The following SEMA3C variants were observed in gnomAD, a reference collection of about 807,000 sequenced individuals.
SEMA3C encodes the protein semaphorin-3C.
SEMA3C carries 47 observed loss-of-function variants against 89.4 expected under a neutral mutation model. The ratio of observed to expected loss-of-function variants is 0.53; its 90% CI spans 0.42 to 0.67. The LOEUF (loss-of-function observed/expected upper bound fraction) is 0.67, where lower values mean the gene tolerates loss of function less well. Among genes scored for constraint, SEMA3C ranks in the 30% least tolerant of loss-of-function variants. SEMA3C has a pLI of 0.00. For missense variants in SEMA3C, 839 were observed against 929.1 expected, an observed-to-expected ratio of 0.90 and a Z score of 1.26; for synonymous variants, 310 against 320.2, an observed-to-expected ratio of 0.97 and a Z score of 0.34.
chr7:80,886,335 T>G, intron 2 of SEMA3C, among the ~76,000 whole-genome samples: 1 of 151,956 alleles, frequency 6.6e-6, no homozygotes, highest in African/African-American at 2.4e-5. Context: ...CAGCTGGATG[T>G]TGTACAACTG....
chr7:80,901,266 T>C (rs1791873440), intron 2 of SEMA3C, among the ~76,000 whole-genome samples: 1 of 152,224 alleles, frequency 6.6e-6, no homozygotes. Flanking sequence ...AAATAAAAAC[T>C]ATCCTTGACT....
chr7:80,866,131 T>C (rs1448491824), intron 2 of SEMA3C, among the ~76,000 whole-genome samples: 2 of 152,188 alleles, frequency 1.3e-5, no homozygotes, highest in African/African-American at 2.4e-5. Flanking sequence ...TTTTCAGATA[T>C]GTGTTTTCAA....
chr7:80,908,842 T>C lies in SEMA3C; in HGVS notation c.103+7837A>G, dbSNP rs1225127618. Among the ~76,000 whole-genome samples the C allele has an allele frequency of 4.6e-5, 7 of 152,302 alleles. No individual in the cohort carries two copies. In the South Asian group the frequency reaches 1.5e-3, roughly 32 times the overall value. ...CTATATAAGTGTTACAATAATGTTTTAAGTAATAAAGTGTTCACCAAACTA... is the reference window on the plus strand; with the variant it reads ...CTATATAAGTGTTACAATAATGTTTCAAGTAATAAAGTGTTCACCAAACTA... On this transcript the variant is annotated intron_variant, in intron 2 of 17. Coordinates refer to ENST00000265361, the MANE Select transcript of SEMA3C (RefSeq NM_006379.5).
Position 80,751,255 on chromosome 7 carries a change from C to T in SEMA3C, c.1711+14G>A, listed in dbSNP as rs1482926963. On this transcript the variant is annotated intron_variant, in intron 16 of 17. Transcript: ENST00000265361. ...TACTGTTCACTGAGATTGGCCATTGCTCACTTTTAATACCTTTTAGATTAA... is the reference window on the plus strand; with the variant it reads ...TACTGTTCACTGAGATTGGCCATTGTTCACTTTTAATACCTTTTAGATTAA... 1.2e-6 allele frequency: 2 copies of T among 1,610,114 alleles called. No homozygotes were observed. Among genetic ancestry groups the T allele is most frequent in the East Asian group, 2.2e-5 (1 of 44,822 alleles).
chr7:80,825,245 T>C (rs1395171123), intron 4 of SEMA3C, among the ~76,000 whole-genome samples: 1 of 152,158 alleles, frequency 6.6e-6, no homozygotes, highest in Admixed American at 6.5e-5. Context: ...TGAAATGGGA[T>C]GGATTTGTCA....
At chr7:80,818,525 A>G in intron 4 of SEMA3C, 107 bp from the exon 5 acceptor site, 1 of 1,316,542 alleles carries the variant, frequency 7.6e-7, no homozygotes, top group East Asian at 2.5e-5. Context: ...ATGAGGTGAC[A>G]TAAACTTTTG....
rs950346257 is a variant in SEMA3C at position 80,767,194 on chromosome 7, C to G, written c.1355-1951G>C. 1.2e-4 allele frequency among the ~76,000 whole-genome samples: 18 copies of G among 152,158 alleles called. 1 individual carries two copies. The highest frequency in any genetic ancestry group is 7.9e-4 in the Admixed American group (12 of 15,280). On this transcript the variant is annotated intron_variant, in intron 12 of 17. Transcript: ENST00000265361. Reference sequence around the variant, plus strand: ...AGGCCCCTTGGTCAAGTTCCTTATTCTGAGGAGGCAGGAACTTAGGTTGCT... The same window carrying G: ...AGGCCCCTTGGTCAAGTTCCTTATTGTGAGGAGGCAGGAACTTAGGTTGCT...
At chr7:80,817,764 T>C (rs1272444716) in intron 5 of SEMA3C, among the ~76,000 whole-genome samples, 1 of 152,178 alleles carries the variant, frequency 6.6e-6, no homozygotes, top group East Asian at 1.9e-4. Context: ...GTTAATTACA[T>C]CAAGTTCTTT....
intron 6 of SEMA3C, among the ~76,000 whole-genome samples, chr7:80,806,770 G>A (rs936515390): frequency 3.3e-5 from 5 of 152,090 alleles, no homozygotes; most frequent in African/African-American, 9.7e-5. Flanking sequence ...ATGCAGCTGC[G>A]TTCCTTGACT....
rs1043487418 is a variant in SEMA3C, at chr7:80,778,080, T to C, written c.1354+11226A>G. Among the ~76,000 whole-genome samples the C allele has an allele frequency of 2.0e-5, 3 of 152,184 alleles. No homozygotes were observed. In the East Asian group the frequency reaches 5.8e-4, roughly 29 times the overall value. On this transcript the variant is annotated intron_variant, in intron 12 of 17. Transcript: ENST00000265361. Reference sequence around the variant, plus strand: ...TCTGTGAGGGTTAAAAAAACCCCCATAATATGGTATTGGCTCAAGTGATAA... The same window carrying C: ...TCTGTGAGGGTTAAAAAAACCCCCACAATATGGTATTGGCTCAAGTGATAA...
intron 12 of SEMA3C, among the ~76,000 whole-genome samples, chr7:80,787,390 T>TAAA (rs1179102219): frequency 6.0e-5 from 6 of 99,894 alleles, no homozygotes; most frequent in African/African-American, 2.4e-4. Context: ...AGACTCCGTT[T>TAAA]AAAAAAAAAA....
chr7:80,816,657 T>C (rs1287082663), intron 5 of SEMA3C, among the ~76,000 whole-genome samples: 1 of 152,214 alleles, frequency 6.6e-6, no homozygotes, highest in Non-Finnish European at 1.5e-5. Flanking sequence ...AAGGACTACA[T>C]TTTATAAAGC....
At chr7:80,802,898 C>T in intron 8 of SEMA3C, 119 bp from the exon 9 acceptor site, 3 of 584,746 alleles carry the variant, frequency 5.1e-6, no homozygotes, top group Non-Finnish European at 6.3e-6. Context: ...ATATGTTAAC[C>T]ACTTCTGCAC....
chr7:80,872,495 GT>G, intron 2 of SEMA3C, among the ~76,000 whole-genome samples: 1 of 151,794 alleles, frequency 6.6e-6, no homozygotes. Flanking sequence ...TTTAATGTCT[GT>G]TTTAATAGAA....
intron 1 of SEMA3C, 53 bp from the exon 2 acceptor site, chr7:80,916,872 A>G (rs546286808): frequency 2.2e-5 from 32 of 1,482,920 alleles, no homozygotes; most frequent in Non-Finnish European, 2.9e-5. Context: ...TTTTAGGAGT[A>G]GGAAAAAACA....
intron 2 of SEMA3C, among the ~76,000 whole-genome samples, chr7:80,875,897 A>G (rs915704554): frequency 3.3e-5 from 5 of 152,072 alleles, no homozygotes; most frequent in Non-Finnish European, 7.3e-5. Context: ...GATTGCTAAG[A>G]CCTACAGTAA....
At chr7:80,803,996 C>G in intron 8 of SEMA3C, 110 bp downstream of exon 8, 2 of 895,314 alleles carry the variant, frequency 2.2e-6, no homozygotes, top group Non-Finnish European at 1.6e-6. Flanking sequence ...ACATTAAATG[C>G]TTCCCTCAAT....
Position 80,883,259 on chromosome 7 carries a change from G to C in SEMA3C, c.103+33420C>G, listed in dbSNP as rs150154803. 3.9e-5 allele frequency among the ~76,000 whole-genome samples: 6 copies of C among 152,266 alleles called. No homozygotes were observed. In the East Asian group the frequency reaches 1.2e-3, roughly 29 times the overall value. On this transcript the variant is annotated intron_variant, in intron 2 of 17. Transcript: ENST00000265361. ...TTCTAAAATTAAAGGAAAGGGGTCT[G>C]AAAATGTTGCTTGTGACTAAGCAGG... is the stretch of plus-strand genomic sequence containing the variant.
intron 6 of SEMA3C, among the ~76,000 whole-genome samples, chr7:80,810,378 G>T (rs1789439083): frequency 6.6e-6 from 1 of 151,968 alleles, no homozygotes; most frequent in Non-Finnish European, 1.5e-5. Context: ...TATAAAAAAT[G>T]CTTGGCCTAC....
Sources: allele counts gnomAD v4.1 joint callset (sites outside exome capture counted in the v4.1 genomes callset), GRCh38; gene constraint gnomAD v4.1.1; transcripts MANE v1.5; gene names NCBI Gene and HGNC (gene_info 2026-07-23, HGNC 2026-07-21).